Variants in MYO5B observed in about 807,000 individuals in gnomAD.
MYO5B encodes the protein unconventional myosin-Vb.
In MYO5B, 143 loss-of-function variants were observed where a neutral mutation model predicts 229.3. That is an observed-to-expected ratio of 0.62 (90% CI 0.54 to 0.72). MYO5B has a LOEUF of 0.72. Ranked by LOEUF, MYO5B falls within the 30% of genes least tolerant of loss-of-function variation. MYO5B has a pLI of 0.00. For synonymous variants in MYO5B, 918 were observed against 885.2 expected (o/e 1.04, Z -0.66); for missense variants, 2,321 against 2,331.0 (o/e 1.00, Z 0.09).
intron 12 of MYO5B, among the ~76,000 whole-genome samples, chr18:49,957,142 C>CAAAAAAAAAAAAAA (rs71169467): frequency 2.0e-4 from 12 of 58,732 alleles, no homozygotes; most frequent in African/African-American, 4.8e-4. Context: ...AATAAAGTAG[C>CAAAAAAAAAAAAAA]AAAAAAAAAA....
chr18:50,179,384 G>A (rs1188889926), intron 1 of MYO5B, among the ~76,000 whole-genome samples: 1 of 152,184 alleles, frequency 6.6e-6, no homozygotes, highest in African/African-American at 2.4e-5. Flanking sequence ...GGTTCCCAGT[G>A]ACTAAGCCAT....
At chr18:50,117,840 C>T (rs1599033726) in intron 1 of MYO5B, among the ~76,000 whole-genome samples, 3 of 152,156 alleles carry the variant, frequency 2.0e-5, no homozygotes, top group African/African-American at 7.2e-5. Flanking sequence ...TATATAATAC[C>T]ACCACCACAT....
chr18:49,966,014 C>A (rs2025621208), intron 10 of MYO5B, among the ~76,000 whole-genome samples: 1 of 152,170 alleles, frequency 6.6e-6, no homozygotes, highest in Non-Finnish European at 1.5e-5. Context: ...CCAAATAGAG[C>A]ATAGTCCCTC....
At chr18:50,163,550 C>G (rs921250736) in intron 1 of MYO5B, among the ~76,000 whole-genome samples, 1 of 152,206 alleles carries the variant, frequency 6.6e-6, no homozygotes, top group Admixed American at 6.5e-5. Context: ...CTCCTCCTAT[C>G]TTATTTCAAT....
At chr18:49,932,539 A>G (rs1234000913) in intron 16 of MYO5B, among the ~76,000 whole-genome samples, 1 of 152,180 alleles carries the variant, frequency 6.6e-6, no homozygotes, top group Non-Finnish European at 1.5e-5. Context: ...CCGCTCTGCC[A>G]CTAACAGGTA....
chr18:49,939,149 T>TTC (rs1491457599), intron 14 of MYO5B, among the ~76,000 whole-genome samples: 1 of 41,814 alleles, frequency 2.4e-5, no homozygotes, highest in Non-Finnish European at 4.2e-5. Context: ...CTTTTTTTTC[T>TTC]TTTTTTTTTT....
chr18:49,823,958 A>G lies in MYO5B; in HGVS notation c.*2513T>C, dbSNP rs1470497766. ...CCTTGAACATTAAAATTATTCCCACAGCAACACTTATTTCAGAGAAACAAC... is the reference window on the plus strand; with the variant it reads ...CCTTGAACATTAAAATTATTCCCACGGCAACACTTATTTCAGAGAAACAAC... On this transcript the variant is annotated 3_prime_UTR_variant, in exon 40 of 40. Coordinates refer to ENST00000285039, the MANE Select transcript of MYO5B (RefSeq NM_001080467.3). The G allele has an allele frequency of 6.5e-6, 1 of 152,676 alleles. No homozygotes were observed. Among genetic ancestry groups the G allele is most frequent in the East Asian group, 1.9e-4 (1 of 5,204 alleles). The allele number at this position is 152,676 out of a possible 1,614,324, so 9.5% of individuals were successfully genotyped here. A position where few individuals can be genotyped will look rare whatever the true frequency, so the allele number is the denominator to read the frequency against.
chr18:49,884,430 G>A (rs1397627509), intron 22 of MYO5B, among the ~76,000 whole-genome samples: 2 of 151,776 alleles, frequency 1.3e-5, no homozygotes, highest in Admixed American at 1.3e-4. Context: ...AGAATCAGTG[G>A]GAGCCCTGAG....
chr18:50,166,535 A>C (rs150075950), intron 1 of MYO5B, among the ~76,000 whole-genome samples: 1 of 152,344 alleles, frequency 6.6e-6, no homozygotes, highest in Non-Finnish European at 1.5e-5. Context: ...ATTACAGTTG[A>C]CCTTAAAGCA....
chr18:50,105,553 G>A (rs745436131), intron 1 of MYO5B, among the ~76,000 whole-genome samples: 4 of 152,144 alleles, frequency 2.6e-5, no homozygotes, highest in Admixed American at 6.5e-5. Flanking sequence ...TCTTAGAAGC[G>A]GAACTATAGT....
chr18:50,167,870 A>G (rs993001861), intron 1 of MYO5B, among the ~76,000 whole-genome samples: 2 of 152,228 alleles, frequency 1.3e-5, no homozygotes, highest in African/African-American at 4.8e-5. Context: ...CCCCACGGGT[A>G]AGGCAAAAAC....
At chr18:50,136,637 G>T (rs1252826950) in intron 1 of MYO5B, among the ~76,000 whole-genome samples, 2 of 152,158 alleles carry the variant, frequency 1.3e-5, no homozygotes, top group African/African-American at 4.8e-5. Context: ...TGCAACCAAA[G>T]TTGGTAACTG....
rs184602730 is a variant in MYO5B, at chr18:49,824,148, G to T, written c.*2323C>A. The T allele has an allele frequency of 1.3e-5, 2 of 152,512 alleles. No individual in the cohort carries two copies. Among genetic ancestry groups the T allele is most frequent in the East Asian group, 3.9e-4 (2 of 5,190 alleles). The allele number at this position is 152,512 out of a possible 1,614,324, so 9.4% of individuals were successfully genotyped here. A position where few individuals can be genotyped will look rare whatever the true frequency, so the allele number is the denominator to read the frequency against. ...CACTGATAAATGTTTGAATTGAAATGATTTTTTAAAATGCAGAGAAAATGC... is the reference window on the plus strand; with the variant it reads ...CACTGATAAATGTTTGAATTGAAATTATTTTTTAAAATGCAGAGAAAATGC... On this transcript the variant is annotated 3_prime_UTR_variant, in exon 40 of 40. Coordinates refer to ENST00000285039, the MANE Select transcript of MYO5B (RefSeq NM_001080467.3).
At chr18:50,178,297 T>C (rs757692011) in intron 1 of MYO5B, among the ~76,000 whole-genome samples, 9 of 152,222 alleles carry the variant, frequency 5.9e-5, no homozygotes, top group Non-Finnish European at 1.0e-4. Flanking sequence ...CCCACTGATA[T>C]AACCCCCTGC....
At chr18:50,104,117 T>G (rs1443750167) in intron 1 of MYO5B, among the ~76,000 whole-genome samples, 4 of 144,354 alleles carry the variant, frequency 2.8e-5, no homozygotes, top group Non-Finnish European at 6.0e-5. Context: ...TGGTGAGCTA[T>G]GATCATGCCA....
In MYO5B at chr18:50,011,056, A is replaced by G. The variant is rs541567190; in HGVS notation, c.456-9645T>C. Among the ~76,000 whole-genome samples, 3 of 152,260 alleles carry G rather than the reference A, an allele frequency of 2.0e-5. No homozygotes were observed. The East Asian group carries it at 5.8e-4, about 29-fold the overall frequency. ...TACATTTTTTAAAATTTAGGGCATC[A>G]TGGTGGCTGGGTGCAGTGGCTCACG... On this transcript the variant is annotated intron_variant, in intron 4 of 39. Coordinates refer to ENST00000285039, the MANE Select transcript of MYO5B (RefSeq NM_001080467.3).
intron 17 of MYO5B, among the ~76,000 whole-genome samples, chr18:49,919,453 GAACTCCTAT>G (rs1306249279): frequency 6.6e-6 from 1 of 152,046 alleles, no homozygotes; most frequent in African/African-American, 2.4e-5. Context: ...AATATATAAA[GAACTCCTAT>G]AACTCCTATA....
chr18:49,989,257 G>A (rs1445114569), intron 7 of MYO5B, among the ~76,000 whole-genome samples: 2 of 152,210 alleles, frequency 1.3e-5, no homozygotes, highest in Admixed American at 1.3e-4. Context: ...GACTTGCGCT[G>A]AAACCACTTG....
chr18:50,174,609 C>T (rs1018110723), intron 1 of MYO5B, among the ~76,000 whole-genome samples: 11 of 152,284 alleles, frequency 7.2e-5, no homozygotes, highest in Admixed American at 7.2e-4. Flanking sequence ...TAAGACGACA[C>T]TGCTGTTAAG....
Sources: gnomAD v4.1 joint callset for allele counts (sites outside exome capture counted in the v4.1 genomes callset) on GRCh38, gnomAD v4.1.1 for gene constraint, MANE v1.5 for transcripts, NCBI Gene and HGNC (gene_info 2026-07-23, HGNC 2026-07-21) for gene names.